The following GULP1 variants were observed in gnomAD, a reference collection of about 807,000 sequenced individuals.
GULP1 encodes GULP PTB domain containing engulfment adaptor 1.
Under a neutral mutation model 40.9 loss-of-function variants are expected in GULP1, and 19 were observed. That is an observed-to-expected ratio of 0.46 (90% CI 0.32 to 0.68). The LOEUF (loss-of-function observed/expected upper bound fraction) is 0.68, where lower values mean the gene tolerates loss of function less well. Among genes scored for constraint, GULP1 ranks in the 30% least tolerant of loss-of-function variants. GULP1 has a pLI of 0.03. For missense variants in GULP1, 312 were observed against 362.2 expected, an observed-to-expected ratio of 0.86 and a Z score of 1.12; for synonymous variants, 119 against 117.6, an observed-to-expected ratio of 1.01 and a Z score of -0.08.
At chr2:188,331,627 G>A (rs1033380717) in intron 1 of GULP1, among the ~76,000 whole-genome samples, 1 of 152,102 alleles carries the variant, frequency 6.6e-6, no homozygotes, top group Non-Finnish European at 1.5e-5. Context: ...TAATCTTGTG[G>A]ATTGGAAAAT....
At chr2:188,509,453 A>G (rs2064277991) in intron 4 of GULP1, among the ~76,000 whole-genome samples, 1 of 152,118 alleles carries the variant, frequency 6.6e-6, no homozygotes, top group African/African-American at 2.4e-5. Flanking sequence ...TGTTAAAAGA[A>G]ATCAATAAAT....
At chr2:188,354,598 C>T (rs965783090) in intron 1 of GULP1, among the ~76,000 whole-genome samples, 3 of 152,164 alleles carry the variant, frequency 2.0e-5, no homozygotes, top group African/African-American at 7.2e-5. Context: ...ACCCTGGAAC[C>T]CAGCACTAGT....
At chr2:188,438,395 A>G (rs193035961) in intron 2 of GULP1, among the ~76,000 whole-genome samples, 2 of 150,836 alleles carry the variant, frequency 1.3e-5, no homozygotes, top group Admixed American at 6.6e-5. Flanking sequence ...ATTATGTATG[A>G]TACATTATAT....
intron 2 of GULP1, among the ~76,000 whole-genome samples, chr2:188,395,541 T>G (rs947786557): frequency 6.6e-6 from 1 of 152,118 alleles, no homozygotes; most frequent in African/African-American, 2.4e-5. Context: ...GAGCTTCAGA[T>G]TTTCCCCACT....
intron 1 of GULP1, among the ~76,000 whole-genome samples, chr2:188,348,415 G>A (rs1210001117): frequency 6.6e-6 from 1 of 152,086 alleles, no homozygotes; most frequent in African/African-American, 2.4e-5. Flanking sequence ...AGTAATTGCT[G>A]GAGTATCATA....
intron 1 of GULP1, among the ~76,000 whole-genome samples, chr2:188,350,666 T>TC (rs1440528197): frequency 6.6e-6 from 1 of 152,064 alleles, no homozygotes; most frequent in Non-Finnish European, 1.5e-5. Context: ...GCTTTTTTTT[T>TC]CTTAACTAAA....
At chr2:188,460,047 A>G (rs2059577462) in intron 2 of GULP1, among the ~76,000 whole-genome samples, 1 of 152,028 alleles carries the variant, frequency 6.6e-6, no homozygotes. Flanking sequence ...TTGCTATAGC[A>G]TTGTAGTACA....
chr2:188,339,378 T>C (rs1342340765), intron 1 of GULP1, among the ~76,000 whole-genome samples: 1 of 152,202 alleles, frequency 6.6e-6, no homozygotes, highest in Non-Finnish European at 1.5e-5. Context: ...ACTTGAGCAT[T>C]ATCACCTAGG....
chr2:188,418,338 A>G (rs540519841), intron 2 of GULP1, among the ~76,000 whole-genome samples: 2 of 152,116 alleles, frequency 1.3e-5, no homozygotes, highest in Non-Finnish European at 2.9e-5. Flanking sequence ...GCAGAGATGA[A>G]ATGACATTTT....
At chr2:188,465,634 G>A (rs2060047422) in intron 2 of GULP1, among the ~76,000 whole-genome samples, 1 of 152,130 alleles carries the variant, frequency 6.6e-6, no homozygotes, top group Admixed American at 6.5e-5. Flanking sequence ...ACTGGGATTG[G>A]CAATTCTCCT....
intron 2 of GULP1, among the ~76,000 whole-genome samples, chr2:188,451,548 T>C (rs2058832513): frequency 6.6e-6 from 1 of 152,214 alleles, no homozygotes; most frequent in African/African-American, 2.4e-5. Context: ...GTGAATATTT[T>C]CCAGCACTCA....
chr2:188,314,601 T>G (rs1468841698), intron 1 of GULP1, among the ~76,000 whole-genome samples: 1 of 152,174 alleles, frequency 6.6e-6, no homozygotes, highest in Non-Finnish European at 1.5e-5. Context: ...TTGTAAAACC[T>G]CCTTTGGCTC....
intron 1 of GULP1, chr2:188,294,399 A>G (rs2034472205): frequency 6.6e-6 from 1 of 152,234 alleles, no homozygotes; most frequent in African/African-American, 2.4e-5. Context: ...AAAAGGTGAG[A>G]TGATCTCAGT....
chr2:188,561,012 G>A (rs1325819195), intron 7 of GULP1, among the ~76,000 whole-genome samples: 1 of 152,178 alleles, frequency 6.6e-6, no homozygotes, highest in Non-Finnish European at 1.5e-5. Context: ...ATTTTATGGG[G>A]ACACAGGTCC....
chr2:188,532,577 C>A (rs913932977), intron 6 of GULP1, among the ~76,000 whole-genome samples: 2 of 152,024 alleles, frequency 1.3e-5, no homozygotes, highest in Non-Finnish European at 2.9e-5. Flanking sequence ...TTATTTTCTG[C>A]ATGATTTCAT....
intron 1 of GULP1, among the ~76,000 whole-genome samples, chr2:188,362,347 G>A (rs756392063): frequency 3.8e-4 from 58 of 152,078 alleles, no homozygotes; most frequent in Non-Finnish European, 4.4e-5. Flanking sequence ...GAGTGTGTGT[G>A]TAAAACACCT....
At chr2:188,416,657 A>T (rs917387544) in intron 2 of GULP1, among the ~76,000 whole-genome samples, 2 of 152,188 alleles carry the variant, frequency 1.3e-5, no homozygotes, top group Non-Finnish European at 2.9e-5. Context: ...TAATTCACCT[A>T]CATCAATTTG....
chr2:188,568,026 T>C (rs1698174636), intron 7 of GULP1, among the ~76,000 whole-genome samples: 2 of 151,918 alleles, frequency 1.3e-5, no homozygotes, highest in African/African-American at 4.8e-5. Context: ...TCTTGTCTTT[T>C]TTCTTTTCTT....
At chr2:188,299,655 A>C (rs2035775284) in intron 1 of GULP1, among the ~76,000 whole-genome samples, 1 of 152,246 alleles carries the variant, frequency 6.6e-6, no homozygotes, top group African/African-American at 2.4e-5. Flanking sequence ...AGTAGGTGAC[A>C]GAGACCTCCT....
Sources: allele counts gnomAD v4.1 joint callset (sites outside exome capture counted in the v4.1 genomes callset), GRCh38; gene constraint gnomAD v4.1.1; transcripts MANE v1.5; gene names NCBI Gene and HGNC (gene_info 2026-07-23, HGNC 2026-07-21).